Variants in HVCN1 observed in about 807,000 individuals in gnomAD.
HVCN1 encodes voltage-gated hydrogen channel 1.
In HVCN1, 14 loss-of-function variants were observed where a neutral mutation model predicts 29.2. That is an observed-to-expected ratio of 0.48 (90% CI 0.32 to 0.75). The LOEUF (loss-of-function observed/expected upper bound fraction) is 0.75, where lower values mean the gene tolerates loss of function less well. Among genes scored for constraint, HVCN1 ranks in the 30% least tolerant of loss-of-function variants. The pLI is 0.04. For synonymous variants in HVCN1, 131 were observed against 133.2 expected (o/e 0.98, Z 0.11); for missense variants, 263 against 341.8 (o/e 0.77, Z 1.82).
At position 110,685,551 on chromosome 12, in the gene HVCN1, C is replaced by T. The variant is rs147202208; in HGVS notation, c.-19-2287G>A. On this transcript the variant is annotated intron_variant, in intron 2 of 7. Transcript: ENST00000242607. ...CAGTGTGTCCTGTATGAAGTGCACG[C>T]CTTGTCATGGCTGCACATGAGTCCC... Among the ~76,000 whole-genome samples the T allele has an allele frequency of 2.0e-5, 3 of 152,282 alleles. No individual in the cohort carries two copies. The East Asian group carries it at 5.8e-4, about 29-fold the overall frequency.
chr12:110,662,566 A>G (rs2068213854), intron 3 of HVCN1, among the ~76,000 whole-genome samples: 1 of 152,190 alleles, frequency 6.6e-6, no homozygotes, highest in Non-Finnish European at 1.5e-5. Context: ...TTAGCTGGGT[A>G]TAGTGGCGCA....
intron 3 of HVCN1, among the ~76,000 whole-genome samples, chr12:110,663,866 C>T (rs990669883): frequency 3.9e-5 from 6 of 152,014 alleles, no homozygotes; most frequent in Non-Finnish European, 7.4e-5. Flanking sequence ...GTGGTTGTTT[C>T]CTGTTAGTTT....
chr12:110,660,214 T>C (rs1375347358), intron 4 of HVCN1, among the ~76,000 whole-genome samples: 1 of 146,616 alleles, frequency 6.8e-6, no homozygotes, highest in Non-Finnish European at 1.5e-5. Context: ...CTGTCTCTAC[T>C]AAAAATGCAA....
intron 3 of HVCN1, among the ~76,000 whole-genome samples, chr12:110,670,333 TG>T (rs2068532873): frequency 6.6e-6 from 1 of 152,214 alleles, no homozygotes. Flanking sequence ...CCAACTCCCA[TG>T]GCCTGATGTC....
chr12:110,693,573 C>G (rs1367193920), upstream of HVCN1, among the ~76,000 whole-genome samples: 1 of 151,904 alleles, frequency 6.6e-6, no homozygotes, highest in East Asian at 1.9e-4. Context: ...AAAAAAAAAC[C>G]CACTAACTTT....
At chr12:110,666,555 A>G (rs1047667588) in intron 3 of HVCN1, among the ~76,000 whole-genome samples, 5 of 152,316 alleles carry the variant, frequency 3.3e-5, no homozygotes, top group African/African-American at 1.2e-4. Flanking sequence ...GACCATATCT[A>G]CTAGTTTAAC....
intron 3 of HVCN1, among the ~76,000 whole-genome samples, chr12:110,662,790 C>T (rs546440475): frequency 3.6e-4 from 55 of 151,922 alleles, no homozygotes; most frequent in African/African-American, 1.3e-3. Context: ...TGACACACTG[C>T]CCCCCCACAC....
intron 2 of HVCN1, among the ~76,000 whole-genome samples, chr12:110,685,707 G>A (rs1359537177): frequency 6.7e-6 from 1 of 150,174 alleles, no homozygotes; most frequent in Middle Eastern, 3.2e-3. Context: ...GTTTTGTTTT[G>A]GAGTTGGGGT....
chr12:110,692,958 C>G (rs1473320762), upstream of HVCN1, among the ~76,000 whole-genome samples: 2 of 152,140 alleles, frequency 1.3e-5, no homozygotes, highest in African/African-American at 4.8e-5. Flanking sequence ...CTCAAACTCC[C>G]AGGCTCAAGT....
intron 3 of HVCN1, among the ~76,000 whole-genome samples, chr12:110,677,531 G>T (rs540773688): frequency 6.6e-6 from 1 of 152,136 alleles, no homozygotes; most frequent in Non-Finnish European, 1.5e-5. Context: ...CAGACCACAG[G>T]CTCCTGCTAA....
In HVCN1 at chr12:110,660,236, C is replaced by T. The variant is rs140897011; in HGVS notation, c.306+928G>A. 5.4e-3 allele frequency among the ~76,000 whole-genome samples: 814 copies of T among 150,888 alleles called. 8 individuals are homozygous for T. The highest frequency in any genetic ancestry group is 0.019 in the African/African-American group (759 of 41,018). ...TACTAAAAATGCAAAATTAGCCAGG[C>T]GTGGTGGCAGGCGCCTATAATCCCA... On this transcript the variant is annotated intron_variant, in intron 4 of 7. Coordinates refer to ENST00000242607, the MANE Select transcript of HVCN1 (RefSeq NM_032369.4).
In HVCN1 at chr12:110,670,671, A is replaced by G. The variant is rs80062241; in HGVS notation, c.22-9223T>C. 8.1e-3 allele frequency among the ~76,000 whole-genome samples: 1,226 copies of G among 152,232 alleles called. 2 individuals are homozygous for G. Among genetic ancestry groups the G allele is most frequent in the Non-Finnish European group, 9.4e-3 (638 of 68,008 alleles). On this transcript the variant is annotated intron_variant, in intron 3 of 7. Coordinates refer to ENST00000242607, the MANE Select transcript of HVCN1 (RefSeq NM_032369.4). ...CATGACTTGGAGACTATGTTCTAGAAAACACAGCTGACAGAAAGCCAGGCA... is the reference window on the plus strand; with the variant it reads ...CATGACTTGGAGACTATGTTCTAGAGAACACAGCTGACAGAAAGCCAGGCA...
intron 3 of HVCN1, among the ~76,000 whole-genome samples, chr12:110,666,016 GAA>G (rs1472521474): frequency 2.6e-4 from 33 of 126,292 alleles, no homozygotes; most frequent in African/African-American, 9.5e-4. Flanking sequence ...CACAAAAAAA[GAA>G]GGAAAAAAAA....
At chr12:110,689,541 C>G, upstream of HVCN1, 1 of 153,632 alleles carries the variant, frequency 6.5e-6, no homozygotes, top group Non-Finnish European at 1.5e-5. The surrounding 1 kb of genome is among the most constrained non-coding windows in gnomAD (Gnocchi z 5.7). Context: ...CCACCGTCTC[C>G]GGGCCACCCC....
chr12:110,675,011 G>GA (rs1431114751), intron 3 of HVCN1, among the ~76,000 whole-genome samples: 14 of 152,160 alleles, frequency 9.2e-5, no homozygotes, highest in African/African-American at 3.4e-4. Context: ...TATAATTCAA[G>GA]AAAACTTTTC....
chr12:110,687,259 C>CCA (rs942701067), intron 2 of HVCN1, among the ~76,000 whole-genome samples: 1 of 105,276 alleles, frequency 9.5e-6, no homozygotes, highest in African/African-American at 4.2e-5. Context: ...CAGACCACAC[C>CCA]CCCCCCCCCC....
chr12:110,687,356 G>A lies in HVCN1; in HGVS notation c.-20+1269C>T, dbSNP rs550492745. Among the ~76,000 whole-genome samples the A allele has an allele frequency of 1.1e-4, 17 of 151,746 alleles. No individual in the cohort carries two copies. In the Middle Eastern group the frequency reaches 0.017, roughly 152 times the overall value. On this transcript the variant is annotated intron_variant, in intron 2 of 7. Coordinates refer to ENST00000242607, the MANE Select transcript of HVCN1 (RefSeq NM_032369.4). ...TAAGTGGGGTGGTCAGGGACAACTC[G>A]ACATTTATGGTGTGCCCTGAATTAC... is the stretch of plus-strand genomic sequence containing the variant.
chr12:110,700,291 G>A (rs377121992), intron 2 of HVCN1, among the ~76,000 whole-genome samples: 14 of 152,278 alleles, frequency 9.2e-5, no homozygotes, highest in Admixed American at 2.6e-4. Flanking sequence ...TGTCCTTGTC[G>A]CCCAGCCATG....
intron 3 of HVCN1, among the ~76,000 whole-genome samples, chr12:110,678,183 C>T (rs1167890808): frequency 6.6e-6 from 1 of 152,186 alleles, no homozygotes; most frequent in Non-Finnish European, 1.5e-5. Context: ...AGAAGCAAGG[C>T]TAGGATTCCA....
Sources: allele counts gnomAD v4.1 joint callset (sites outside exome capture counted in the v4.1 genomes callset), GRCh38; gene constraint gnomAD v4.1.1; non-coding constraint Gnocchi (gnomAD v3.1); transcripts MANE v1.5; gene names NCBI Gene and HGNC (gene_info 2026-07-23, HGNC 2026-07-21).